The following EPB41L2 variants were observed in gnomAD, a reference collection of about 807,000 sequenced individuals.
EPB41L2 encodes the protein band 4.1-like protein 2.
EPB41L2 carries 43 observed loss-of-function variants against 113.0 expected under a neutral mutation model. The ratio of observed to expected loss-of-function variants is 0.38; its 90% CI spans 0.30 to 0.49. The LOEUF is 0.49. Ranked by LOEUF, EPB41L2 falls within the 20% of genes least tolerant of loss-of-function variation. The probability of loss-of-function intolerance (pLI) is 0.95; values close to 1 mark genes in which losing one functional copy is unlikely to be tolerated. For synonymous variants in EPB41L2, 442 were observed against 436.7 expected (o/e 1.01, Z -0.15); for missense variants, 1,147 against 1,223.4 (o/e 0.94, Z 0.93).
At chr6:130,955,822 G>A (rs546107263) in intron 2 of EPB41L2, among the ~76,000 whole-genome samples, 172 bp downstream of exon 2, 10 of 151,980 alleles carry the variant, frequency 6.6e-5, no homozygotes, top group African/African-American at 2.4e-4. Flanking sequence ...TTTTTTCAAG[G>A]AGTAACAGGG....
At chr6:130,985,948 C>G (rs1780446285) in intron 1 of EPB41L2, among the ~76,000 whole-genome samples, 1 of 151,986 alleles carries the variant, frequency 6.6e-6, no homozygotes, top group African/African-American at 2.4e-5. Flanking sequence ...ATTTATCACC[C>G]CGAAAAGAAA....
chr6:130,960,685 TA>T (rs1362875166), intron 1 of EPB41L2, among the ~76,000 whole-genome samples: 2 of 152,196 alleles, frequency 1.3e-5, no homozygotes, highest in African/African-American at 4.8e-5. Flanking sequence ...AACAAAACAC[TA>T]CCTTCTTTGT....
intron 1 of EPB41L2, among the ~76,000 whole-genome samples, chr6:131,044,403 A>G (rs566658756): frequency 5.9e-5 from 9 of 152,250 alleles, no homozygotes; most frequent in Non-Finnish European, 1.3e-4. Flanking sequence ...CAGTTAGCAT[A>G]CAAAATTCTT....
intron 1 of EPB41L2, among the ~76,000 whole-genome samples, chr6:131,030,532 T>C (rs1400474997): frequency 2.6e-5 from 4 of 152,218 alleles, no homozygotes; most frequent in Non-Finnish European, 5.9e-5. Flanking sequence ...TTTTAGATCC[T>C]CAAATAGTAA....
intron 18 of EPB41L2, among the ~76,000 whole-genome samples, chr6:130,859,445 A>G (rs1165550957): frequency 6.6e-6 from 1 of 150,904 alleles, no homozygotes; most frequent in Non-Finnish European, 1.5e-5. Flanking sequence ...CGGGAAGTGG[A>G]GGCTGCAGTG....
intron 17 of EPB41L2, 63 bp from the exon 18 acceptor site, chr6:130,863,781 A>G (rs1782878231): frequency 1.8e-6 from 2 of 1,142,666 alleles, no homozygotes; most frequent in Non-Finnish European, 2.6e-6. Flanking sequence ...ACACAGTCAG[A>G]GCAAACAGAG....
Position 130,989,871 on chromosome 6 carries a change from G to A in EPB41L2, c.-14-33372C>T, listed in dbSNP as rs533749731. Among the ~76,000 whole-genome samples the A allele has an allele frequency of 1.3e-3, 192 of 152,286 alleles. 1 individual carries two copies. Among genetic ancestry groups the A allele is most frequent in the African/African-American group, 4.1e-3 (172 of 41,560 alleles). ...CCAAAGACATTTGGGAATTAAGAGA[G>A]CAAGGGAAAGCTAAAGAAAGAACAA... On this transcript the variant is annotated intron_variant, in intron 1 of 19. Coordinates refer to ENST00000337057, the MANE Select transcript of EPB41L2 (RefSeq NM_001431.4).
intron 3 of EPB41L2, among the ~76,000 whole-genome samples, chr6:130,936,708 A>G (rs912248732): frequency 6.6e-6 from 1 of 152,202 alleles, no homozygotes; most frequent in African/African-American, 2.4e-5. Context: ...TTAAAATATA[A>G]TAACAATTAG....
chr6:131,005,181 T>G lies in EPB41L2; in HGVS notation c.-14-48682A>C, dbSNP rs545355319. 4.7e-5 allele frequency among the ~76,000 whole-genome samples: 7 copies of G among 150,130 alleles called. No homozygotes were observed. The East Asian group carries it at 1.2e-3, about 25-fold the overall frequency. ...TGCTTACTTGATCTTTTACAGAGTT[T>G]TTTTTTTTTTTTAACCTTCAAAAAC... On this transcript the variant is annotated intron_variant, in intron 1 of 19. Transcript: ENST00000337057.
At chr6:130,872,327 T>C (rs756385087) in intron 14 of EPB41L2, 2 of 1,240,606 alleles carry the variant, frequency 1.6e-6, no homozygotes, top group Non-Finnish European at 2.1e-6. Flanking sequence ...AAAATCTCTC[T>C]CATATGTGGC....
At chr6:130,857,228 A>G (rs1780517391) in intron 19 of EPB41L2, among the ~76,000 whole-genome samples, 1 of 152,156 alleles carries the variant, frequency 6.6e-6, no homozygotes, top group Admixed American at 6.5e-5. Context: ...TATAGGTGAA[A>G]ACTTGTCCAC....
intron 1 of EPB41L2, among the ~76,000 whole-genome samples, chr6:130,982,525 G>C (rs1779611595): frequency 6.6e-6 from 1 of 152,136 alleles, no homozygotes; most frequent in Non-Finnish European, 1.5e-5. Context: ...GGGAAATAAA[G>C]TAATGACCAA....
At position 131,047,185 on chromosome 6, in the gene EPB41L2, T is replaced by C. The variant is rs563695996; in HGVS notation, c.-15+15970A>G. The stretch of plus-strand genomic sequence containing the variant: ...AAATAAATAAATGTAAAAGTGCTTA[T>C]AGATAACCAGCATGGTGGCACACAC... On this transcript the variant is annotated intron_variant, in intron 1 of 19. Coordinates refer to ENST00000337057, the MANE Select transcript of EPB41L2 (RefSeq NM_001431.4). Among the ~76,000 whole-genome samples the C allele has an allele frequency of 6.6e-5, 10 of 152,220 alleles. No individual in the cohort carries two copies. In the Middle Eastern group the frequency reaches 0.01, roughly 155 times the overall value.
chr6:130,875,426 G>C (rs1197001748), intron 14 of EPB41L2, among the ~76,000 whole-genome samples: 1 of 152,020 alleles, frequency 6.6e-6, no homozygotes, highest in Non-Finnish European at 1.5e-5. Flanking sequence ...CATGACCTAG[G>C]GTCTAACCTC....
At chr6:130,965,895 C>T (rs910635989) in intron 1 of EPB41L2, among the ~76,000 whole-genome samples, 9 of 152,114 alleles carry the variant, frequency 5.9e-5, no homozygotes, top group African/African-American at 2.2e-4. Flanking sequence ...CCAAATGTGT[C>T]CACACTTTAA....
intron 1 of EPB41L2, among the ~76,000 whole-genome samples, chr6:131,020,521 C>A (rs1789214733): frequency 6.6e-6 from 1 of 152,222 alleles, no homozygotes; most frequent in Admixed American, 6.5e-5. Flanking sequence ...ACTGCTTCCA[C>A]ACATTTCAAG....
At chr6:130,860,804 G>A (rs1002813768) in intron 18 of EPB41L2, among the ~76,000 whole-genome samples, 5 of 152,044 alleles carry the variant, frequency 3.3e-5, no homozygotes, top group Non-Finnish European at 7.4e-5. Context: ...AAAGTGCTGG[G>A]ATTACAGGCT....
intron 16 of EPB41L2, among the ~76,000 whole-genome samples, chr6:130,866,809 T>C (rs996475540): frequency 6.6e-6 from 1 of 152,238 alleles, no homozygotes; most frequent in Admixed American, 6.5e-5. Context: ...TTAATGCTTA[T>C]TCCAAATCTT....
intron 1 of EPB41L2, among the ~76,000 whole-genome samples, chr6:130,992,005 G>GGAA (rs916636965): frequency 6.0e-5 from 9 of 151,000 alleles, no homozygotes; most frequent in African/African-American, 2.2e-4. Context: ...TTCAATTAGG[G>GGAA]GAAGAAAAAA....
Sources: gnomAD v4.1 joint callset for allele counts (sites outside exome capture counted in the v4.1 genomes callset) on GRCh38, gnomAD v4.1.1 for gene constraint, MANE v1.5 for transcripts, NCBI Gene and HGNC (gene_info 2026-07-23, HGNC 2026-07-21) for gene names.